The following BORCS8 variants were observed in gnomAD, a reference collection of about 807,000 sequenced individuals.
The protein encoded by BORCS8 is BLOC-1 related complex subunit 8.
Under a neutral mutation model 18.7 loss-of-function variants are expected in BORCS8, and 13 were observed. The observed-to-expected ratio is 0.70, with a 90% confidence interval of 0.45 to 1.11. BORCS8 has a LOEUF of 1.11. Ranked by LOEUF, BORCS8 falls within the 50% of genes least tolerant of loss-of-function variation. The pLI is 0.00. For missense variants in BORCS8, 165 were observed against 165.7 expected (o/e 1.00, Z 0.02); for synonymous variants, 68 against 64.8 (o/e 1.05, Z -0.24).
intron 4 of BORCS8, among the ~76,000 whole-genome samples, 171 bp from the exon 5 acceptor site, chr19:19,180,932 C>T (rs766237476): frequency 3.9e-5 from 6 of 152,174 alleles, no homozygotes; most frequent in Admixed American, 1.3e-4. Context: ...CGGTGGCTCA[C>T]GCCTGTAATC....
chr19:19,185,043 A>G (rs2060392625), intron 3 of BORCS8, among the ~76,000 whole-genome samples: 1 of 152,172 alleles, frequency 6.6e-6, no homozygotes, highest in Non-Finnish European at 1.5e-5. Flanking sequence ...AGCAACTCCT[A>G]TTTCTTTTCT....
At chr19:19,180,493 A>G (rs2060337404) in intron 5 of BORCS8, 193 bp downstream of exon 5, 1 of 604,470 alleles carries the variant, frequency 1.7e-6, no homozygotes, top group South Asian at 1.9e-5. Context: ...ATGGGCTGAC[A>G]TGGTCCCTGA....
chr19:19,183,367 G>A (rs370172544), intron 3 of BORCS8, among the ~76,000 whole-genome samples: 16 of 149,228 alleles, frequency 1.1e-4, no homozygotes, highest in African/African-American at 3.2e-4. Context: ...CTGAGATCGC[G>A]CCACTGCACT....
intron 1 of BORCS8, 86 bp from the exon 2 acceptor site, chr19:19,187,091 C>T (rs900965264): frequency 2.0e-6 from 2 of 1,013,796 alleles, no homozygotes; most frequent in Middle Eastern, 2.1e-4. Flanking sequence ...CCAGCCAGAG[C>T]AAAGGGGGCA....
chr19:19,182,390 C>T lies in BORCS8; in HGVS notation c.326+183G>A. 1 of 1,397,706 alleles carries T rather than the reference C, an allele frequency of 7.2e-7. No homozygotes were observed. Among genetic ancestry groups the T allele is most frequent in the East Asian group, 2.7e-5 (1 of 37,462 alleles). 86.6% of individuals were successfully genotyped at this position (1,397,706 alleles called of 1,614,324 possible). On this transcript the variant is annotated intron_variant, in intron 4 of 5. Coordinates refer to ENST00000462790, the MANE Select transcript of BORCS8 (RefSeq NM_001145784.2). This position sits in a 1 kb window ranked among gnomAD's most constrained non-coding sequence, Gnocchi z 4.1. Reference sequence around the variant, plus strand: ...GCCAGGCACACAGCAGAGCGCAGGACCTCGGTATTAAGTGACTGAACTCAG... The same window carrying T: ...GCCAGGCACACAGCAGAGCGCAGGATCTCGGTATTAAGTGACTGAACTCAG...
intron 1 of BORCS8, among the ~76,000 whole-genome samples, chr19:19,189,286 C>T (rs980200840): frequency 2.1e-4 from 32 of 152,298 alleles, no homozygotes; most frequent in African/African-American, 7.2e-4. Flanking sequence ...ACTGCCCGCA[C>T]CGGTCCAGGC....
Position 19,182,497 on chromosome 19 carries a change from A to C in BORCS8, c.326+76T>G. 6.7e-7 allele frequency: 1 copy of C among 1,501,648 alleles called. No homozygotes were observed. Among genetic ancestry groups the C allele is most frequent in the South Asian group, 1.2e-5 (1 of 80,724 alleles). The allele number at this position is 1,501,648 out of a possible 1,614,324, so 93.0% of individuals were successfully genotyped here. A position where few individuals can be genotyped will look rare whatever the true frequency, so the allele number is the denominator to read the frequency against. ...GACAGTTTTCTAATAAGCGAGAAGC[A>C]GCGGTTCCCAGCGCAGCTGAGAGAC... is the stretch of plus-strand genomic sequence containing the variant. On this transcript the variant is annotated intron_variant, in intron 4 of 5. Coordinates refer to ENST00000462790, the MANE Select transcript of BORCS8 (RefSeq NM_001145784.2). This position sits in a 1 kb window ranked among gnomAD's most constrained non-coding sequence, Gnocchi z 4.1.
In BORCS8 at chr19:19,177,299, G is replaced by A. The variant is rs928690784; in HGVS notation, c.*204C>T. On this transcript the variant is annotated 3_prime_UTR_variant, in exon 6 of 6. Transcript: ENST00000462790. Reference sequence around the variant, plus strand: ...GCGAATGTCCAACTCAGCCTGTAGAGAAGGTGCAGTCCAGCCTTCCTTATC... The same window carrying A: ...GCGAATGTCCAACTCAGCCTGTAGAAAAGGTGCAGTCCAGCCTTCCTTATC... 6.6e-6 allele frequency: 1 copy of A among 151,332 alleles called. No individual in the cohort carries two copies. The highest frequency in any genetic ancestry group is 2.5e-5 in the African/African-American group (1 of 40,628). 9.4% of individuals were successfully genotyped at this position (151,332 alleles called of 1,614,324 possible). A position where few individuals can be genotyped will look rare whatever the true frequency, so the allele number is the denominator to read the frequency against.
chr19:19,177,780 A>G (rs1215000565), intron 5 of BORCS8: 2 of 175,844 alleles, frequency 1.1e-5, no homozygotes, highest in African/African-American at 4.8e-5. Context: ...GGAGACCCAG[A>G]GAGGGCCAGC....
In BORCS8 at chr19:19,180,784, T is replaced by A. The variant is rs1396482371; in HGVS notation, c.327-23A>T. 4 of 1,539,560 alleles carry A rather than the reference T, an allele frequency of 2.6e-6. No homozygotes were observed. In the Admixed American group the frequency reaches 6.0e-5, roughly 23 times the overall value. On this transcript the variant is annotated intron_variant, in intron 4 of 5. Transcript: ENST00000462790. ...GGGCTGCAACAAAACATGTGCAGCA[T>A]CCATGAGGCCAAGGTCAGAGGCCAC...
At chr19:19,181,208 AG>A (rs757539791) in intron 4 of BORCS8, among the ~76,000 whole-genome samples, 1 of 145,594 alleles carries the variant, frequency 6.9e-6, no homozygotes, top group African/African-American at 2.5e-5. Flanking sequence ...AAAAAAAAAA[AG>A]GGACAAATGG....
intron 5 of BORCS8, chr19:19,180,406 G>T: frequency 2.0e-6 from 1 of 505,414 alleles, no homozygotes; most frequent in South Asian, 2.2e-5. Context: ...GTCTTGGGGG[G>T]TGGAAATCTC....
At chr19:19,187,872 C>T (rs1177007522) in intron 1 of BORCS8, among the ~76,000 whole-genome samples, 10 of 147,560 alleles carry the variant, frequency 6.8e-5, no homozygotes, top group East Asian at 2.1e-4. Context: ...GACAGGGTCT[C>T]GCTCTGTTGC....
chr19:19,189,514 C>G (rs1880732130), intron 1 of BORCS8, among the ~76,000 whole-genome samples: 1 of 152,186 alleles, frequency 6.6e-6, no homozygotes, highest in African/African-American at 2.4e-5. Context: ...TCTGGCTGCT[C>G]TTGACCTCCC....
Position 19,182,946 on chromosome 19 carries a change from G to A in BORCS8, c.216-263C>T, listed in dbSNP as rs562348159. Among the ~76,000 whole-genome samples the A allele has an allele frequency of 2.6e-5, 4 of 152,180 alleles. No homozygotes were observed. The highest frequency in any genetic ancestry group is 4.8e-5 in the African/African-American group (2 of 41,520). On this transcript the variant is annotated intron_variant, in intron 3 of 5. Transcript: ENST00000462790. The surrounding 1 kb of genome is among the most constrained non-coding windows in gnomAD (Gnocchi z 4.1). ...ATAAAGATGTCATAAAAAATATCTC[G>A]GCCATTACTGCTGATAATGGGGGTG...
chr19:19,181,098 G>A (rs4427934), intron 4 of BORCS8, among the ~76,000 whole-genome samples: 2,129 of 152,258 alleles, frequency 0.014, 54 homozygotes, highest in African/African-American at 0.048. Context: ...GAGAGGCTGA[G>A]GCACGAGAAT....
intron 1 of BORCS8, among the ~76,000 whole-genome samples, chr19:19,189,751 A>G (rs1231753871): frequency 6.6e-6 from 1 of 152,114 alleles, no homozygotes; most frequent in African/African-American, 2.4e-5. Flanking sequence ...CCCCACCTCT[A>G]TAAAAAATTG....
Position 19,182,553 on chromosome 19 carries a change from C to T in BORCS8, c.326+20G>A, listed in dbSNP as rs550584623. On this transcript the variant is annotated intron_variant, in intron 4 of 5. Transcript: ENST00000462790. This position sits in a 1 kb window ranked among gnomAD's most constrained non-coding sequence, Gnocchi z 4.1. ...TTGCAGCTGGGAGTGGCAGTGGGGG[C>T]GGGCGGTCCCAGGAGCTACCTGTGG... 66 of 1,546,328 alleles carry T rather than the reference C, an allele frequency of 4.3e-5. No individual in the cohort carries two copies. The highest frequency in any genetic ancestry group is 8.2e-5 in the African/African-American group (6 of 73,082).
chr19:19,191,564 A>T (rs1568571525), intron 1 of BORCS8, among the ~76,000 whole-genome samples: 1 of 150,858 alleles, frequency 6.6e-6, no homozygotes, highest in Non-Finnish European at 1.5e-5. Flanking sequence ...AATGCATTAC[A>T]AATATCAGGT....
Sources: gnomAD v4.1 joint callset for allele counts (sites outside exome capture counted in the v4.1 genomes callset) on GRCh38, gnomAD v4.1.1 for gene constraint, Gnocchi (gnomAD v3.1) non-coding constraint, MANE v1.5 for transcripts, NCBI Gene and HGNC (gene_info 2026-07-23, HGNC 2026-07-21) for gene names.